MSI1: variants seen among roughly 807,000 people sequenced by gnomAD.
MSI1 encodes the protein RNA-binding protein Musashi homolog 1.
MSI1 carries 15 observed loss-of-function variants against 54.4 expected under a neutral mutation model. The ratio of observed to expected loss-of-function variants is 0.28; its 90% CI spans 0.18 to 0.42. The LOEUF (loss-of-function observed/expected upper bound fraction) is 0.42, where lower values mean the gene tolerates loss of function less well. Among genes scored for constraint, MSI1 ranks in the 20% least tolerant of loss-of-function variants. The pLI, the probability that MSI1 is intolerant of heterozygous loss-of-function variation, is 1.00. For missense variants in MSI1, 304 were observed against 506.0 expected, an observed-to-expected ratio of 0.60 and a Z score of 3.83; for synonymous variants, 200 against 196.5, an observed-to-expected ratio of 1.02 and a Z score of -0.15.
In MSI1 at chr12:120,362,165, C is replaced by G. The variant is rs189300231; in HGVS notation, c.402+878G>C. ...AGCTGGCCAGGGGACACCTCCCCCCCCCACACAATCCCAGGCCCATTTCCC... is the reference window on the plus strand; with the variant it reads ...AGCTGGCCAGGGGACACCTCCCCCCGCCACACAATCCCAGGCCCATTTCCC... On this transcript the variant is annotated intron_variant, in intron 6 of 14. Transcript: ENST00000257552. Among the ~76,000 whole-genome samples, 47 of 152,116 alleles carry G rather than the reference C, an allele frequency of 3.1e-4. No homozygotes were observed. The East Asian group carries it at 6.2e-3, about 20-fold the overall frequency.
At chr12:120,352,493 C>A (rs1435028982) in intron 10 of MSI1, among the ~76,000 whole-genome samples, 1 of 152,026 alleles carries the variant, frequency 6.6e-6, no homozygotes, top group African/African-American at 2.4e-5. Context: ...GTTGGCTCAT[C>A]TTAGCTTTGT....
chr12:120,348,822 G>T (rs1323802574), intron 11 of MSI1, among the ~76,000 whole-genome samples: 5 of 152,148 alleles, frequency 3.3e-5, no homozygotes, highest in Admixed American at 3.3e-4. Flanking sequence ...GCACCCAGGA[G>T]GTGGAGGTTG....
intron 5 of MSI1, 74 bp from the exon 6 acceptor site, chr12:120,363,209 C>T (rs557514002): frequency 7.6e-7 from 1 of 1,320,322 alleles, no homozygotes; most frequent in East Asian, 2.3e-5. Flanking sequence ...GCTCGAGCCC[C>T]CCTGCCAGGA....
chr12:120,351,249 A>C, intron 11 of MSI1, 95 bp downstream of exon 11: 2 of 1,203,616 alleles, frequency 1.7e-6, no homozygotes, highest in Non-Finnish European at 2.4e-6. Context: ...CGGGCAGGAG[A>C]AAAGGATCCC....
chr12:120,351,337 G>A lies in MSI1; in HGVS notation c.790+7C>T, dbSNP rs149293155. The A allele has an allele frequency of 1.5e-3, 2,351 of 1,612,496 alleles. 30 individuals are homozygous for A. In the African/African-American group the frequency reaches 0.028, roughly 19 times the overall value. ...CCTGAGAGGTATACAAAATCCGAGC[G>A]ACTGACCTGTAAGCTCGGGGAGGAC... On this transcript the variant is annotated splice_region_variant and intron_variant, in intron 11 of 14. Transcript: ENST00000257552.
chr12:120,346,957 T>A (rs1194341443), intron 12 of MSI1, among the ~76,000 whole-genome samples: 1 of 152,044 alleles, frequency 6.6e-6, no homozygotes, highest in Non-Finnish European at 1.5e-5. Context: ...TTTTTTTTTT[T>A]TCTTTTGAGA....
At chr12:120,361,386 C>A (rs1592945292) in intron 6 of MSI1, 1 of 152,470 alleles carries the variant, frequency 6.6e-6, no homozygotes. Context: ...CCCACTACAC[C>A]CTTCAACCTG....
chr12:120,343,733 C>T (rs1274683381), intron 14 of MSI1, among the ~76,000 whole-genome samples: 1 of 152,210 alleles, frequency 6.6e-6, no homozygotes, highest in Non-Finnish European at 1.5e-5. Context: ...TGTTCATCCT[C>T]TTTCCTGGAA....
At chr12:120,344,627 G>C (rs957216227) in intron 14 of MSI1, among the ~76,000 whole-genome samples, 11 of 151,978 alleles carry the variant, frequency 7.2e-5, no homozygotes, top group Non-Finnish European at 4.4e-5. Flanking sequence ...AGGATGGCTT[G>C]AGCCTAGGAG....
chr12:120,355,030 C>CAAAAA (rs71076610), intron 9 of MSI1, among the ~76,000 whole-genome samples: 2 of 44,118 alleles, frequency 4.5e-5, no homozygotes, highest in African/African-American at 1.0e-4. Context: ...CCGTCTCTAC[C>CAAAAA]AAAAAAAAAA....
At chr12:120,363,429 C>A (rs2136981227) in intron 5 of MSI1, among the ~76,000 whole-genome samples, 1 of 152,272 alleles carries the variant, frequency 6.6e-6, no homozygotes. Flanking sequence ...GGGGGCGGGC[C>A]AGTGACCCAG....
intron 4 of MSI1, among the ~76,000 whole-genome samples, chr12:120,365,041 G>A (rs1875929073): frequency 6.6e-6 from 1 of 152,174 alleles, no homozygotes; most frequent in Non-Finnish European, 1.5e-5. Context: ...CTCCCTAGTA[G>A]CTGGGATTAC....
intron 5 of MSI1, among the ~76,000 whole-genome samples, chr12:120,363,889 G>T (rs1012116772): frequency 6.6e-6 from 1 of 152,192 alleles, no homozygotes; most frequent in South Asian, 2.1e-4. Flanking sequence ...ATCTTAAAGA[G>T]CTCTAGTTCC....
intron 6 of MSI1, among the ~76,000 whole-genome samples, chr12:120,362,553 G>A (rs558842436): frequency 5.9e-5 from 9 of 152,264 alleles, no homozygotes; most frequent in Admixed American, 3.3e-4. Context: ...AATACCCAGG[G>A]GACCAGCAGC....
In MSI1 at chr12:120,363,153, G is replaced by A. The variant is rs1272335970; in HGVS notation, c.310-18C>T. The A allele has an allele frequency of 3.7e-6, 6 of 1,610,120 alleles. No individual in the cohort carries two copies. The highest frequency in any genetic ancestry group is 2.2e-5 in the East Asian group (1 of 44,856). ...GTCACCATCTGTTAGGGGAGGGAATGAGAAAGTGGGCATCTGAGTCCTGTG... is the reference window on the plus strand; with the variant it reads ...GTCACCATCTGTTAGGGGAGGGAATAAGAAAGTGGGCATCTGAGTCCTGTG... On this transcript the variant is annotated intron_variant, in intron 5 of 14. Transcript: ENST00000257552.
At chr12:120,356,825 G>T in intron 9 of MSI1, 77 bp downstream of exon 9, 2 of 1,302,138 alleles carry the variant, frequency 1.5e-6, no homozygotes, top group Non-Finnish European at 2.2e-6. Flanking sequence ...CAGGGGAGGT[G>T]CAACACCCAC....
rs1159725235 is a variant in MSI1, at chr12:120,364,733, G to A, written c.290C>T (p.Pro97Leu). ...SKTIDPKVAF[P>L]RRAQPKMVTR... is the part of the protein sequence containing the mutation. ...ACCTACCTTGGGCTGTGCTCGCCGA[G>A]GGAAGGCCACCTTAGGGTCAATCTA... is the stretch of plus-strand genomic sequence containing the variant. Residue 97 changes from proline to leucine, a missense_variant, in exon 5 of 15, where the codon CCT becomes CTT. Coordinates refer to ENST00000257552, the MANE Select transcript of MSI1 (RefSeq NM_002442.4). 1 of 1,600,326 alleles carries A rather than the reference G, an allele frequency of 6.2e-7. No homozygotes were observed. Among genetic ancestry groups the A allele is most frequent in the African/African-American group, 1.3e-5 (1 of 74,398 alleles).
intron 4 of MSI1, among the ~76,000 whole-genome samples, chr12:120,365,476 T>C (rs1875958750): frequency 6.6e-6 from 1 of 152,148 alleles, no homozygotes; most frequent in Non-Finnish European, 1.5e-5. Context: ...CCTTCAAGTA[T>C]CAGGTAAATC....
At chr12:120,355,708 T>G (rs1192289873) in intron 9 of MSI1, among the ~76,000 whole-genome samples, 1 of 152,184 alleles carries the variant, frequency 6.6e-6, no homozygotes, top group Non-Finnish European at 1.5e-5. Context: ...ACAGGGTATA[T>G]GGATGTTCTT....
Sources: gnomAD v4.1 joint callset for allele counts (sites outside exome capture counted in the v4.1 genomes callset) on GRCh38, gnomAD v4.1.1 for gene constraint, MANE v1.5 for transcripts, NCBI Gene and HGNC (gene_info 2026-07-23, HGNC 2026-07-21) for gene names.